TOR1AIP2: variants seen among roughly 807,000 people sequenced by gnomAD.
The protein encoded by TOR1AIP2 is torsin 1A interacting protein 2.
TOR1AIP2 carries 20 observed loss-of-function variants against 32.6 expected under a neutral mutation model. The ratio of observed to expected loss-of-function variants is 0.61; its 90% CI spans 0.43 to 0.89. TOR1AIP2 has a LOEUF of 0.89. Among genes scored for constraint, TOR1AIP2 ranks in the 40% least tolerant of loss-of-function variants. The pLI, the probability that TOR1AIP2 is intolerant of heterozygous loss-of-function variation, is 0.00. For missense variants in TOR1AIP2, 456 were observed against 553.8 expected, an observed-to-expected ratio of 0.82 and a Z score of 1.77; for synonymous variants, 214 against 210.8, an observed-to-expected ratio of 1.02 and a Z score of -0.13.
Position 179,846,154 on chromosome 1 carries a change from T to C in TOR1AIP2, c.1330A>G (p.Ser444Gly). 3 of 1,614,214 alleles carry C rather than the reference T, an allele frequency of 1.9e-6. No homozygotes were observed. Among genetic ancestry groups the C allele is most frequent in the Non-Finnish European group, 2.5e-6 (3 of 1,180,034 alleles). The change falls in exon 7 of 7, where the codon AGT (serine) becomes GGT (glycine). Residue 444 changes from serine to glycine, a missense_variant. Transcript: ENST00000609928. Reference sequence around the variant, plus strand: ...TGTGAAATTCGGCTCCACAGCCCACTCAATTTGTCTGAGTCCATGTGGTTG... The same window carrying C: ...TGTGAAATTCGGCTCCACAGCCCACCCAATTTGTCTGAGTCCATGTGGTTG... ...SFNHMDSDKLSGLWSRISHLV... is the reference protein window; with the variant it reads ...SFNHMDSDKLGGLWSRISHLV...
At chr1:179,851,393 T>C in intron 4 of TOR1AIP2, 30 bp from the exon 5 acceptor site, 1 of 1,449,210 alleles carries the variant, frequency 6.9e-7, no homozygotes, top group Non-Finnish European at 9.1e-7. Flanking sequence ...TAATTTTTAT[T>C]GGAAAAAATT....
At chr1:179,852,204 CG>C (rs1696140702) in intron 4 of TOR1AIP2, among the ~76,000 whole-genome samples, 1 of 151,368 alleles carries the variant, frequency 6.6e-6, no homozygotes, top group Admixed American at 6.6e-5. Context: ...CACTCGAGCC[CG>C]GGAGGCGGAG....
chr1:179,852,048 A>C (rs1696134551), intron 4 of TOR1AIP2, among the ~76,000 whole-genome samples: 1 of 152,230 alleles, frequency 6.6e-6, no homozygotes, highest in Non-Finnish European at 1.5e-5. Flanking sequence ...TGGGAGGCCA[A>C]GGCAGGTGAA....
chr1:179,873,150 G>A (rs1697074141), intron 2 of TOR1AIP2, among the ~76,000 whole-genome samples: 1 of 152,094 alleles, frequency 6.6e-6, no homozygotes, highest in Non-Finnish European at 1.5e-5. Flanking sequence ...TTGTGACCTT[G>A]ACACTTTTGA....
At chr1:179,875,922 G>A (rs1485058152) in intron 2 of TOR1AIP2, 1 of 152,098 alleles carries the variant, frequency 6.6e-6, no homozygotes, top group Non-Finnish European at 1.5e-5. Flanking sequence ...CCTTCTTGTA[G>A]GACACAGTTT....
In TOR1AIP2 at chr1:179,841,330, C is replaced by T. The variant is rs942519296; in HGVS notation, c.*4741G>A. On this transcript the variant is annotated 3_prime_UTR_variant, in exon 7 of 7. Coordinates refer to ENST00000609928, the MANE Select transcript of TOR1AIP2 (RefSeq NM_001199260.2). ...TATTAAAATGGAGACTGACATTGAA[C>T]TACATAGTCAACTTGAAAAACACAA... 1 of 152,188 alleles carries T rather than the reference C, an allele frequency of 6.6e-6. No homozygotes were observed. Among genetic ancestry groups the T allele is most frequent in the African/African-American group, 2.4e-5 (1 of 41,454 alleles). The allele number at this position is 152,188 out of a possible 1,614,324, so 9.4% of individuals were successfully genotyped here.
rs1414230210 is a variant in TOR1AIP2, at chr1:179,865,440, A to G, written c.-151T>C. 2.3e-6 allele frequency: 1 copy of G among 435,106 alleles called. No individual in the cohort carries two copies. Among genetic ancestry groups the G allele is most frequent in the South Asian group, 4.7e-5 (1 of 21,396 alleles). The allele number at this position is 435,106 out of a possible 1,614,324, so 27.0% of individuals were successfully genotyped here. A position where few individuals can be genotyped will look rare whatever the true frequency, so the allele number is the denominator to read the frequency against. ...ATAATGTTATCAGTCACTTACTAGC[A>G]GTACAGATCTCAGGATAGCTCCTTC... On this transcript the variant is annotated 5_prime_UTR_variant, in exon 3 of 7. Coordinates refer to ENST00000609928, the MANE Select transcript of TOR1AIP2 (RefSeq NM_001199260.2).
intron 3 of TOR1AIP2, chr1:179,859,480 T>A (rs1319224149): frequency 1.0e-6 from 1 of 985,304 alleles, no homozygotes; most frequent in African/African-American, 1.7e-5. Flanking sequence ...TCTGGAAAAC[T>A]TACATCTAGG....
chr1:179,873,193 TTTTTG>T (rs1479639567), intron 2 of TOR1AIP2, among the ~76,000 whole-genome samples: 5 of 152,154 alleles, frequency 3.3e-5, no homozygotes, highest in Admixed American at 2.6e-4. Flanking sequence ...GGTTCGGTGT[TTTTTG>T]TTTTTAAAAA....
chr1:179,869,612 T>C (rs879379600), intron 2 of TOR1AIP2, among the ~76,000 whole-genome samples: 2 of 152,166 alleles, frequency 1.3e-5, no homozygotes, highest in Non-Finnish European at 2.9e-5. Context: ...AGAAGAGCAA[T>C]ATAGAAGGAT....
chr1:179,864,586 G>C, intron 3 of TOR1AIP2: 2 of 1,323,542 alleles, frequency 1.5e-6, no homozygotes. Context: ...CAGTCTAGAT[G>C]AACAGGCTGG....
intron 2 of TOR1AIP2, among the ~76,000 whole-genome samples, chr1:179,870,442 T>C (rs975670714): frequency 2.7e-4 from 41 of 152,072 alleles, no homozygotes; most frequent in Non-Finnish European, 5.0e-4. Flanking sequence ...TGCATTTTTT[T>C]CCAAAAAGAT....
chr1:179,850,737 C>T (rs1455094370), intron 5 of TOR1AIP2, 108 bp downstream of exon 5: 3 of 1,395,842 alleles, frequency 2.1e-6, no homozygotes, highest in Non-Finnish European at 2.9e-6. Context: ...GGCCTTACTC[C>T]TATGAAAGAT....
At chr1:179,858,948 A>G (rs1696409832) in intron 3 of TOR1AIP2, 1 of 864,494 alleles carries the variant, frequency 1.2e-6, no homozygotes, top group Admixed American at 6.2e-5. Context: ...TTTAGCAGCC[A>G]AGAAGAGCAC....
intron 6 of TOR1AIP2, 43 bp from the exon 7 acceptor site, chr1:179,846,871 C>T (rs759727925): frequency 1.5e-5 from 23 of 1,526,472 alleles, no homozygotes; most frequent in East Asian, 4.5e-5. Context: ...ACAGAGAACA[C>T]GAGCCAGAAA....
chr1:179,843,888 T>C lies in TOR1AIP2; in HGVS notation c.*2183A>G, dbSNP rs996611773. The C allele has an allele frequency of 2.7e-5, 4 of 150,888 alleles. No individual in the cohort carries two copies. Among genetic ancestry groups the C allele is most frequent in the East Asian group, 1.9e-4 (1 of 5,160 alleles). 9.3% of individuals were successfully genotyped at this position (150,888 alleles called of 1,614,324 possible). A position where few individuals can be genotyped will look rare whatever the true frequency, so the allele number is the denominator to read the frequency against. ...GAAAACTGACAACACCCTCAATTGATTGCACTATACATGGAAGGGAAAATG... is the reference window on the plus strand; with the variant it reads ...GAAAACTGACAACACCCTCAATTGACTGCACTATACATGGAAGGGAAAATG... On this transcript the variant is annotated 3_prime_UTR_variant, in exon 7 of 7. Coordinates refer to ENST00000609928, the MANE Select transcript of TOR1AIP2 (RefSeq NM_001199260.2).
At position 179,847,539 on chromosome 1, in the gene TOR1AIP2, G is replaced by C. The variant is rs1325034941; in HGVS notation, c.651C>G (p.Ser217Arg). The C allele has an allele frequency of 6.2e-7, 1 of 1,610,382 alleles. No homozygotes were observed. Among genetic ancestry groups the C allele is most frequent in the East Asian group, 2.2e-5 (1 of 44,830 alleles). ...TAAAACCAGGTTTGTTCTCACCATA[G>C]CTCCAAAAACCCTTTTTATTAATCT... Reference protein sequence around the residue: ...MRQINKKGFWSYGPVILVVLV... With the variant: ...MRQINKKGFWRYGPVILVVLV... The change falls in exon 6 of 7, where the codon AGC becomes AGG. Residue 217 changes from serine (S) to arginine (R), a missense_variant. Coordinates refer to ENST00000609928, the MANE Select transcript of TOR1AIP2 (RefSeq NM_001199260.2).
At chr1:179,872,458 T>C (rs913238940) in intron 2 of TOR1AIP2, among the ~76,000 whole-genome samples, 1 of 152,240 alleles carries the variant, frequency 6.6e-6, no homozygotes, top group Admixed American at 6.5e-5. Context: ...CCATATCCAC[T>C]GTCATAATAT....
intron 2 of TOR1AIP2, among the ~76,000 whole-genome samples, chr1:179,867,150 A>AT (rs1696815760): frequency 6.6e-6 from 1 of 152,250 alleles, no homozygotes; most frequent in Non-Finnish European, 1.5e-5. Flanking sequence ...AGATTTTAAA[A>AT]TGGTAAATTT....
Sources: allele counts gnomAD v4.1 joint callset (sites outside exome capture counted in the v4.1 genomes callset), GRCh38; gene constraint gnomAD v4.1.1; transcripts MANE v1.5; gene names NCBI Gene and HGNC (gene_info 2026-07-23, HGNC 2026-07-21).